STK33: variants seen among roughly 807,000 people sequenced by gnomAD.
STK33 encodes the protein serine/threonine kinase 33, also known as serine/threonine-protein kinase 33.
STK33 carries 52 observed loss-of-function variants against 58.0 expected under a neutral mutation model. That is an observed-to-expected ratio of 0.90 (90% CI 0.72 to 1.13). The LOEUF (loss-of-function observed/expected upper bound fraction) is 1.13, where lower values mean the gene tolerates loss of function less well. Ranked by LOEUF, STK33 falls within the 50% of genes most tolerant of loss-of-function variation. The pLI is 0.00. For synonymous variants in STK33, 215 were observed against 200.1 expected, an observed-to-expected ratio of 1.07 and a Z score of -0.63; for missense variants, 630 against 604.2, an observed-to-expected ratio of 1.04 and a Z score of -0.45.
At chr11:8,359,456 G>A in the STK33 span, among the ~76,000 whole-genome samples, 4 of 152,300 alleles carry the variant, frequency 2.6e-5, no homozygotes, top group East Asian at 1.9e-4. Context: ...ATTTTAAAAC[G>A]GCAGGGAGAG....
intron 1 of STK33, among the ~76,000 whole-genome samples, chr11:8,553,167 A>AATATATATATATATATAT (rs56363010): frequency 1.5e-4 from 10 of 68,176 alleles, no homozygotes; most frequent in East Asian, 5.3e-4. Context: ...CCAAAAATAA[A>AATATATATATATATATAT]ATATATATAT....
Position 8,392,728 on chromosome 11 carries a change from T to TG in STK33, c.1345-19dup. 6.2e-7 allele frequency: 1 copy of TG among 1,613,008 alleles called. No homozygotes were observed. Among genetic ancestry groups the TG allele is most frequent in the South Asian group, 1.1e-5 (1 of 90,998 alleles). On this transcript the variant is annotated intron_variant, in intron 15 of 15. Coordinates refer to ENST00000687296, the MANE Select transcript of STK33 (RefSeq NM_001352389.2). ...GCAGTAGACTGCAAATAAAAGGTCTTGATTAATTTTCAGACACAAAGCAAT... is the reference window on the plus strand; with the variant it reads ...GCAGTAGACTGCAAATAAAAGGTCTTGGATTAATTTTCAGACACAAAGCAAT...
At chr11:8,568,302 A>C (rs752748185) in intron 1 of STK33, among the ~76,000 whole-genome samples, 1 of 152,198 alleles carries the variant, frequency 6.6e-6, no homozygotes, top group Non-Finnish European at 1.5e-5. Context: ...AAATGGCATA[A>C]AAGTTCCTCC....
intron 5 of STK33, 61 bp downstream of exon 5, chr11:8,474,620 G>A (rs1314024393): frequency 8.2e-7 from 1 of 1,218,158 alleles, no homozygotes; most frequent in East Asian, 2.4e-5. Context: ...GATGAAGCTA[G>A]GAGTACCATT....
intron 9 of STK33, among the ~76,000 whole-genome samples, chr11:8,455,038 C>T (rs986909121): frequency 8.5e-5 from 13 of 152,172 alleles, no homozygotes; most frequent in African/African-American, 2.9e-4. Flanking sequence ...GACTCCCTCA[C>T]CTCTACCCAT....
At chr11:8,523,464 A>C (rs912106426) in intron 1 of STK33, among the ~76,000 whole-genome samples, 6 of 147,228 alleles carry the variant, frequency 4.1e-5, no homozygotes, top group Non-Finnish European at 6.0e-5. Context: ...AGAAGTGAGG[A>C]GCCCCTCCAC....
intron 15 of STK33, among the ~76,000 whole-genome samples, chr11:8,403,210 C>T (rs540090679): frequency 6.6e-6 from 1 of 152,268 alleles, no homozygotes; most frequent in Admixed American, 6.5e-5. Context: ...AGTCTATGTA[C>T]CATTGCACAC....
intron 1 of STK33, among the ~76,000 whole-genome samples, chr11:8,533,729 C>T (rs75758859): frequency 0.02 from 3,028 of 152,204 alleles, 97 homozygotes; most frequent in African/African-American, 0.069. Context: ...TAAAGACCCC[C>T]AAGAATTTGA....
At chr11:8,554,157 C>T (rs11041977) in intron 1 of STK33, among the ~76,000 whole-genome samples, 12,412 of 152,088 alleles carry the variant, frequency 0.082, 1,149 homozygotes, top group African/African-American at 0.23. Context: ...TGGTGGCTCA[C>T]ACCTGTAATC....
chr11:8,514,079 C>G (rs1466104706), intron 1 of STK33, among the ~76,000 whole-genome samples: 1 of 152,078 alleles, frequency 6.6e-6, no homozygotes, highest in Non-Finnish European at 1.5e-5. Flanking sequence ...GTCTGTCTTT[C>G]TGTGCCTGGC....
At chr11:8,494,999 A>G (rs938915571) in intron 1 of STK33, among the ~76,000 whole-genome samples, 3 of 152,214 alleles carry the variant, frequency 2.0e-5, no homozygotes, top group Non-Finnish European at 2.9e-5. Flanking sequence ...ACCCTAGAAG[A>G]AAACCTAGCC....
intron 6 of STK33, chr11:8,466,148 A>G (rs1591299790): frequency 6.6e-6 from 1 of 152,166 alleles, no homozygotes; most frequent in African/African-American, 2.4e-5. Flanking sequence ...GAGCCAAACC[A>G]TATCATTCCA....
chr11:8,352,098 CA>C, the STK33 span, among the ~76,000 whole-genome samples: 1 of 152,158 alleles, frequency 6.6e-6, no homozygotes, highest in Non-Finnish European at 1.5e-5. Context: ...ATCCCCTGGG[CA>C]GTGGGCAAAG....
At chr11:8,474,636 A>C in intron 5 of STK33, 45 bp downstream of exon 5, 1 of 1,419,064 alleles carries the variant, frequency 7.0e-7, no homozygotes, top group Non-Finnish European at 9.6e-7. Context: ...CCATTAGGGA[A>C]CGGGATGTCA....
chr11:8,561,452 G>A (rs1476075201), intron 1 of STK33, among the ~76,000 whole-genome samples: 1 of 152,024 alleles, frequency 6.6e-6, no homozygotes, highest in African/African-American at 2.4e-5. Flanking sequence ...CTGGATGCTT[G>A]GCGATTCTTT....
intron 11 of STK33, among the ~76,000 whole-genome samples, chr11:8,443,755 T>C (rs1215770850): frequency 6.6e-6 from 1 of 152,146 alleles, no homozygotes; most frequent in Non-Finnish European, 1.5e-5. Context: ...TCCCAGCACT[T>C]TGGGAGGCCA....
the STK33 span, among the ~76,000 whole-genome samples, chr11:8,374,833 G>A: frequency 6.6e-6 from 1 of 152,086 alleles, no homozygotes; most frequent in Non-Finnish European, 1.5e-5. Flanking sequence ...CCAGAGCAGT[G>A]GACACATATT....
the STK33 span, among the ~76,000 whole-genome samples, chr11:8,377,175 G>A: frequency 6.6e-6 from 1 of 152,332 alleles, no homozygotes; most frequent in Middle Eastern, 3.4e-3. Flanking sequence ...TAGAGATGAT[G>A]TTCTCATTAA....
At chr11:8,480,367 T>G (rs1368550819) in intron 2 of STK33, 43 bp downstream of exon 2, 4 of 152,194 alleles carry the variant, frequency 2.6e-5, no homozygotes, top group Non-Finnish European at 5.9e-5. Context: ...TCATCTGAGA[T>G]GTAGCAGACA....
Sources: allele counts gnomAD v4.1 joint callset (sites outside exome capture counted in the v4.1 genomes callset), GRCh38; gene constraint gnomAD v4.1.1; transcripts MANE v1.5; gene names NCBI Gene and HGNC (gene_info 2026-07-23, HGNC 2026-07-21).